The following HTR1E variants were observed in gnomAD, a reference collection of about 807,000 sequenced individuals.
The protein encoded by HTR1E is 5-HT-1E.
A neutral mutation model predicts 3.4 loss-of-function variants in HTR1E; 3 were observed. The observed-to-expected ratio is 0.89, with a 90% CI of 0.41 to 2.31. The LOEUF is 2.31. Among genes scored for constraint, HTR1E ranks in the 30% most tolerant of loss-of-function variants. HTR1E has a pLI of 0.05. For missense variants in HTR1E, 392 were observed against 467.0 expected (o/e 0.84, Z 1.48); for synonymous variants, 170 against 182.8 (o/e 0.93, Z 0.56).
At chr6:86,966,164 C>T (rs770384790) in intron 1 of HTR1E, among the ~76,000 whole-genome samples, 3 of 151,454 alleles carry the variant, frequency 2.0e-5, no homozygotes, top group Non-Finnish European at 4.4e-5. Context: ...AAAATGAATA[C>T]AGGATCTGGG....
At chr6:86,966,146 C>A (rs1767468669) in intron 1 of HTR1E, among the ~76,000 whole-genome samples, 1 of 150,346 alleles carries the variant, frequency 6.7e-6, no homozygotes, top group Admixed American at 6.6e-5. Flanking sequence ...TTTTCAGACT[C>A]CGAAAAAAAA....
At chr6:86,960,725 A>C (rs775564194) in intron 1 of HTR1E, among the ~76,000 whole-genome samples, 2 of 152,214 alleles carry the variant, frequency 1.3e-5, no homozygotes, top group African/African-American at 4.8e-5. Flanking sequence ...GGGACAAGTC[A>C]CGTAACCCTA....
intron 1 of HTR1E, among the ~76,000 whole-genome samples, chr6:86,969,519 T>C (rs908249192): frequency 7.2e-5 from 11 of 152,196 alleles, no homozygotes; most frequent in African/African-American, 2.7e-4. Flanking sequence ...TTTTCCGCCA[T>C]GTACTTCCAA....
chr6:86,977,772 T>C (rs1249817171), intron 1 of HTR1E, among the ~76,000 whole-genome samples: 1 of 152,136 alleles, frequency 6.6e-6, no homozygotes, highest in African/African-American at 2.4e-5. Flanking sequence ...TGGTATCATA[T>C]TGTGATTATC....
At chr6:86,979,855 C>T (rs1367388361) in intron 1 of HTR1E, among the ~76,000 whole-genome samples, 1 of 152,078 alleles carries the variant, frequency 6.6e-6, no homozygotes, top group East Asian at 1.9e-4. Context: ...CCGAAGCTAG[C>T]CTATTGAGAG....
chr6:86,956,177 A>T (rs1308866685), intron 1 of HTR1E, among the ~76,000 whole-genome samples: 1 of 152,216 alleles, frequency 6.6e-6, no homozygotes, highest in East Asian at 1.9e-4. Context: ...GATGTATTTT[A>T]AAATGGCCCT....
chr6:86,948,043 C>A (rs1767150943), intron 1 of HTR1E, among the ~76,000 whole-genome samples: 1 of 152,076 alleles, frequency 6.6e-6, no homozygotes, highest in South Asian at 2.1e-4. Flanking sequence ...TACCCTCCAC[C>A]CCGCGACAGG....
At position 87,002,387 on chromosome 6, in the gene HTR1E, A is replaced by T. The variant is rs192745371; in HGVS notation, c.-185-12763A>T. On this transcript the variant is annotated intron_variant, in intron 1 of 1. Coordinates refer to ENST00000305344, the MANE Select transcript of HTR1E (RefSeq NM_000865.3). The stretch of plus-strand genomic sequence containing the variant: ...CAAGATTTATTGTGAAGAGCAAAAG[A>T]ACAAAGTGTCCACAGTATGGAAGGG... 1.3e-4 allele frequency among the ~76,000 whole-genome samples: 20 copies of T among 152,344 alleles called. No individual in the cohort carries two copies. The East Asian group carries it at 3.9e-3, about 29-fold the overall frequency.
chr6:86,979,376 T>A (rs1450828307), intron 1 of HTR1E, among the ~76,000 whole-genome samples: 1 of 152,132 alleles, frequency 6.6e-6, no homozygotes, highest in East Asian at 1.9e-4. Context: ...CACAAAGGAG[T>A]CCATGACTCA....
intron 1 of HTR1E, among the ~76,000 whole-genome samples, chr6:86,963,310 G>C (rs961573318): frequency 6.6e-6 from 1 of 152,030 alleles, no homozygotes; most frequent in Non-Finnish European, 1.5e-5. Flanking sequence ...CACTGCACCT[G>C]GCTAACTTTT....
intron 1 of HTR1E, among the ~76,000 whole-genome samples, chr6:86,984,371 A>G (rs1011609677): frequency 6.6e-6 from 1 of 152,192 alleles, no homozygotes; most frequent in Admixed American, 6.5e-5. Flanking sequence ...CATTCTTTCA[A>G]TTGACCTCTC....
At chr6:86,994,222 A>T (rs998654948) in intron 1 of HTR1E, among the ~76,000 whole-genome samples, 1 of 152,182 alleles carries the variant, frequency 6.6e-6, no homozygotes, top group African/African-American at 2.4e-5. Context: ...AGTATTTTTT[A>T]AAATAATGGC....
At chr6:86,994,383 G>C (rs750759056) in intron 1 of HTR1E, among the ~76,000 whole-genome samples, 1 of 152,038 alleles carries the variant, frequency 6.6e-6, no homozygotes, top group South Asian at 2.1e-4. Context: ...AGCTGTGAAA[G>C]AGAAATGACA....
chr6:86,999,167 A>G (rs6913131), intron 1 of HTR1E, among the ~76,000 whole-genome samples: 27,812 of 151,914 alleles, frequency 0.18, 3,267 homozygotes, highest in African/African-American at 0.32. Flanking sequence ...TCGCCATGTT[A>G]GTCAGTCTAG....
chr6:86,947,031 G>A (rs1768626291), intron 1 of HTR1E, among the ~76,000 whole-genome samples: 1 of 151,990 alleles, frequency 6.6e-6, no homozygotes, highest in African/African-American at 2.4e-5. Context: ...CAGGAGAATC[G>A]CTTGAACCCA....
intron 1 of HTR1E, among the ~76,000 whole-genome samples, chr6:86,966,845 G>T (rs2127821552): frequency 6.6e-6 from 1 of 152,300 alleles, no homozygotes; most frequent in South Asian, 2.1e-4. Context: ...AAACTCAGCT[G>T]CATGGACATA....
At chr6:86,981,082 G>A (rs1334551032) in intron 1 of HTR1E, among the ~76,000 whole-genome samples, 1 of 152,148 alleles carries the variant, frequency 6.6e-6, no homozygotes, top group Non-Finnish European at 1.5e-5. Flanking sequence ...AGGTCTTTTG[G>A]CAAGTCCCTC....
chr6:87,001,398 A>C (rs1582280078), intron 1 of HTR1E, among the ~76,000 whole-genome samples: 1 of 152,292 alleles, frequency 6.6e-6, no homozygotes, highest in South Asian at 2.1e-4. Context: ...AAGACCCAAC[A>C]ATCTGGTGCC....
intron 1 of HTR1E, among the ~76,000 whole-genome samples, chr6:86,958,702 G>A (rs1242053525): frequency 2.0e-5 from 3 of 152,174 alleles, no homozygotes; most frequent in African/African-American, 7.2e-5. Context: ...AGCAGGGGCT[G>A]CAAGCAAAAA....
Sources: gnomAD v4.1 joint callset for allele counts (sites outside exome capture counted in the v4.1 genomes callset) on GRCh38, gnomAD v4.1.1 for gene constraint, MANE v1.5 for transcripts, NCBI Gene and HGNC (gene_info 2026-07-23, HGNC 2026-07-21) for gene names.